The following MAD1L1 variants were observed in gnomAD, a reference collection of about 807,000 sequenced individuals.
The protein encoded by MAD1L1 is mitotic spindle assembly checkpoint protein MAD1.
MAD1L1 carries 95 observed loss-of-function variants against 96.9 expected under a neutral mutation model. The observed-to-expected ratio is 0.98, with a 90% CI of 0.83 to 1.16. The LOEUF (loss-of-function observed/expected upper bound fraction) is 1.16. Among genes scored for constraint, MAD1L1 ranks in the 50% most tolerant of loss-of-function variants. MAD1L1 has a pLI of 0.00. For missense variants in MAD1L1, 1,007 were observed against 954.4 expected, an observed-to-expected ratio of 1.06 and a Z score of -0.73; for synonymous variants, 473 against 396.6, an observed-to-expected ratio of 1.19 and a Z score of -2.29.
chr7:1,863,890 C>T lies in MAD1L1; in HGVS notation c.1998+34310G>A, dbSNP rs958635492. On this transcript the variant is annotated intron_variant, in intron 18 of 18. Transcript: ENST00000265854. Reference sequence around the variant, plus strand: ...GATCACAAGGTCAGGAGTTCAAGACCAGCCTGGCCAAGATGGTGAAACCCC... The same window carrying T: ...GATCACAAGGTCAGGAGTTCAAGACTAGCCTGGCCAAGATGGTGAAACCCC... Among the ~76,000 whole-genome samples, 3 of 152,304 alleles carry T rather than the reference C, an allele frequency of 2.0e-5. No individual in the cohort carries two copies. The South Asian group carries it at 6.2e-4, about 32-fold the overall frequency.
At chr7:2,200,740 C>A (rs949719919) in intron 10 of MAD1L1, among the ~76,000 whole-genome samples, 1 of 152,246 alleles carries the variant, frequency 6.6e-6, no homozygotes, top group Non-Finnish European at 1.5e-5. Flanking sequence ...ACCACGAGGA[C>A]CGCCTGCTTC....
chr7:2,036,785 C>A (rs1223388625), intron 12 of MAD1L1, among the ~76,000 whole-genome samples: 3 of 152,150 alleles, frequency 2.0e-5, no homozygotes, highest in African/African-American at 7.2e-5. Flanking sequence ...GTACAGGGAG[C>A]CCAAGCAGGT....
intron 16 of MAD1L1, among the ~76,000 whole-genome samples, chr7:1,947,061 G>A (rs1779261803): frequency 6.6e-6 from 1 of 152,226 alleles, no homozygotes. Flanking sequence ...TCCCATCTGT[G>A]AGGGTGAGTG....
intron 10 of MAD1L1, among the ~76,000 whole-genome samples, chr7:2,161,279 G>A (rs918455927): frequency 2.6e-5 from 4 of 151,770 alleles, no homozygotes; most frequent in East Asian, 3.9e-4. Flanking sequence ...ACTGGTTTTC[G>A]TATTTTTTGG....
chr7:2,030,238 G>A (rs976041335), intron 12 of MAD1L1, among the ~76,000 whole-genome samples: 2 of 152,230 alleles, frequency 1.3e-5, no homozygotes, highest in Non-Finnish European at 2.9e-5. Context: ...AGCCTGAGGA[G>A]GTTCCCCCAG....
intron 18 of MAD1L1, chr7:1,838,582 G>C (rs1783059128): frequency 5.6e-6 from 2 of 358,190 alleles, no homozygotes; most frequent in South Asian, 4.4e-5. Flanking sequence ...AGATGCCAGA[G>C]ACCACTCGCC....
intron 15 of MAD1L1, among the ~76,000 whole-genome samples, chr7:1,961,359 A>G (rs1459355738): frequency 6.6e-6 from 1 of 152,248 alleles, no homozygotes; most frequent in Non-Finnish European, 1.5e-5. Flanking sequence ...AGCCGTAGTA[A>G]TCACAACAGT....
chr7:1,917,478 C>T (rs1242979049), intron 17 of MAD1L1, among the ~76,000 whole-genome samples: 1 of 152,238 alleles, frequency 6.6e-6, no homozygotes, highest in Non-Finnish European at 1.5e-5. Context: ...CCTCTCCGCC[C>T]TCAGCACCGC....
intron 17 of MAD1L1, among the ~76,000 whole-genome samples, chr7:1,913,497 G>A (rs974438772): frequency 6.6e-6 from 1 of 152,100 alleles, no homozygotes; most frequent in African/African-American, 2.4e-5. Flanking sequence ...TCTGGGAGCT[G>A]TAGCGGCAGC....
intron 17 of MAD1L1, among the ~76,000 whole-genome samples, chr7:1,927,583 G>A (rs1789162946): frequency 6.6e-6 from 1 of 152,122 alleles, no homozygotes; most frequent in African/African-American, 2.4e-5. Flanking sequence ...ATAATTCAAT[G>A]GTGGCAGGAC....
At chr7:2,054,498 C>T (rs1163214314) in intron 12 of MAD1L1, among the ~76,000 whole-genome samples, 2 of 152,170 alleles carry the variant, frequency 1.3e-5, no homozygotes, top group South Asian at 2.1e-4. Context: ...GAGAGTGCAG[C>T]AGTGTCTGTG....
intron 17 of MAD1L1, among the ~76,000 whole-genome samples, chr7:1,916,322 A>G (rs981175457): frequency 2.0e-5 from 3 of 152,242 alleles, no homozygotes; most frequent in Non-Finnish European, 4.4e-5. Context: ...CACAACGTCC[A>G]CAGCATGACT....
intron 11 of MAD1L1, among the ~76,000 whole-genome samples, chr7:2,080,324 C>G (rs1033816069): frequency 6.6e-6 from 1 of 152,174 alleles, no homozygotes; most frequent in African/African-American, 2.4e-5. Context: ...ATACCCTATA[C>G]CACTACCCTA....
intron 12 of MAD1L1, among the ~76,000 whole-genome samples, chr7:2,030,614 T>A (rs780106594): frequency 1.6e-4 from 25 of 152,210 alleles, no homozygotes; most frequent in Non-Finnish European, 3.4e-4. Context: ...CCTGCCCATC[T>A]GCGCTTGACG....
At chr7:2,101,304 CAGGT>C in intron 11 of MAD1L1, among the ~76,000 whole-genome samples, 1 of 113,948 alleles carries the variant, frequency 8.8e-6, no homozygotes, top group East Asian at 2.8e-4. Context: ...GGTCTCCATT[CAGGT>C]GGGTGGCATG....
intron 14 of MAD1L1, among the ~76,000 whole-genome samples, chr7:2,000,215 C>G (rs913751624): frequency 5.3e-5 from 8 of 152,112 alleles, no homozygotes; most frequent in African/African-American, 1.9e-4. Flanking sequence ...TGATTCCCAG[C>G]CCTCACGCTC....
chr7:1,982,829 C>T (rs185852524), intron 14 of MAD1L1, among the ~76,000 whole-genome samples: 8 of 152,248 alleles, frequency 5.3e-5, no homozygotes, highest in Middle Eastern at 3.4e-3. Context: ...CAGCACATGA[C>T]CTTTTTTTTC....
Position 2,134,878 on chromosome 7 carries a change from C to G in MAD1L1, c.1073+14274G>C, listed in dbSNP as rs1020260903. 2.6e-5 allele frequency among the ~76,000 whole-genome samples: 4 copies of G among 152,344 alleles called. No individual in the cohort carries two copies. The East Asian group carries it at 7.7e-4, about 29-fold the overall frequency. On this transcript the variant is annotated intron_variant, in intron 11 of 18. Transcript: ENST00000265854. The stretch of plus-strand genomic sequence containing the variant: ...TAGGGCAAGAACACCTGAAAGAAGT[C>G]AGCTCTGCTGCTTATGGGTTGAGCC...
chr7:1,905,709 G>A (rs1041054186), intron 17 of MAD1L1, among the ~76,000 whole-genome samples: 8 of 152,336 alleles, frequency 5.3e-5, no homozygotes, highest in East Asian at 1.9e-4. Context: ...GACCTCTCCC[G>A]TGAGTGAGGC....
Sources: allele counts gnomAD v4.1 joint callset (sites outside exome capture counted in the v4.1 genomes callset), GRCh38; gene constraint gnomAD v4.1.1; transcripts MANE v1.5; gene names NCBI Gene and HGNC (gene_info 2026-07-23, HGNC 2026-07-21).